The following PRPF8 variants were observed in gnomAD, a reference collection of about 807,000 sequenced individuals.
The protein encoded by PRPF8 is pre-mRNA processing factor 8, also known as pre-mRNA-processing-splicing factor 8.
A neutral mutation model predicts 285.9 loss-of-function variants in PRPF8; 64 were observed. That is an observed-to-expected ratio of 0.22 (90% CI 0.18 to 0.28). The LOEUF (loss-of-function observed/expected upper bound fraction) is 0.28, where lower values mean the gene tolerates loss of function less well. Among genes scored for constraint, PRPF8 ranks in the 10% least tolerant of loss-of-function variants. The pLI, the probability that PRPF8 is intolerant of heterozygous loss-of-function variation, is 1.00. For missense variants in PRPF8, 1,426 were observed against 3,026.7 expected (o/e 0.47, Z 12.41); for synonymous variants, 1,325 against 1,118.2 (o/e 1.18, Z -3.69).
chr17:1,668,158 C>A (rs566076903), intron 24 of PRPF8, among the ~76,000 whole-genome samples: 1 of 152,344 alleles, frequency 6.6e-6, no homozygotes, highest in South Asian at 2.1e-4. Context: ...ATGATGTGAA[C>A]CCCATCTGAC....
chr17:1,684,491 C>T lies in PRPF8; in HGVS notation c.81G>A (p.Glu27=). The change falls in exon 2 of 43, where the codon GAG becomes GAA. Residue 27 remains glutamate (E), a synonymous_variant. Coordinates refer to ENST00000304992, the MANE Select transcript of PRPF8 (RefSeq NM_006445.4). The part of the protein sequence containing the change: ...PLAPLPDYMS[E]EKLQEKARKW... ...CCTCACCTTTCTCCTGCAGCTTCTCCTCCGACATGTAGTCCGGTAGCGGGG... is the reference window on the plus strand; with the variant it reads ...CCTCACCTTTCTCCTGCAGCTTCTCTTCCGACATGTAGTCCGGTAGCGGGG... 1 of 1,612,728 alleles carries T rather than the reference C, an allele frequency of 6.2e-7. No homozygotes were observed. Among genetic ancestry groups the T allele is most frequent in the Non-Finnish European group, 8.5e-7 (1 of 1,179,780 alleles).
rs753665840 is a variant in PRPF8, at chr17:1,659,317, C to G, written c.5138+40G>C. 1 of 1,611,076 alleles carries G rather than the reference C, an allele frequency of 6.2e-7. No individual in the cohort carries two copies. Among genetic ancestry groups the G allele is most frequent in the South Asian group, 1.1e-5 (1 of 90,994 alleles). ...CTGGGATTACAGGTGTGAGCCACTG[C>G]GCCTGGCCTGAAAATACATGGTCCT... On this transcript the variant is annotated intron_variant, in intron 32 of 42. Transcript: ENST00000304992. This position sits in a 1 kb window ranked among gnomAD's most constrained non-coding sequence, Gnocchi z 5.1.
chr17:1,677,390 A>G (rs1912661235), intron 14 of PRPF8, 175 bp downstream of exon 14: 2 of 1,042,704 alleles, frequency 1.9e-6, no homozygotes, highest in Admixed American at 4.1e-5. Context: ...CTGCCTCTCA[A>G]GGCCCCAGAA....
intron 36 of PRPF8, among the ~76,000 whole-genome samples, chr17:1,656,061 C>A (rs1013624583): frequency 6.6e-6 from 1 of 151,794 alleles, no homozygotes. Context: ...GCTGGGACTA[C>A]AGGTGCATCC....
At chr17:1,664,814 A>C (rs1466932897) in intron 24 of PRPF8, among the ~76,000 whole-genome samples, 2 of 152,188 alleles carry the variant, frequency 1.3e-5, no homozygotes, top group East Asian at 3.8e-4. Flanking sequence ...CATAAGGGAA[A>C]TTAGAATATA....
chr17:1,678,602 G>A lies in PRPF8; in HGVS notation c.1770C>T (p.Gly590=). The stretch of plus-strand genomic sequence containing the variant: ...TCAGCTTGTATTTGTATCGATACAT[G>A]CCCGTCAACTGCCCAACATGGGCAA... ...YIFAHVGQLT[G]MYRYKYKLMR... Residue 590 remains glycine, a synonymous_variant, in exon 13 of 43, where the codon GGC becomes GGT. Transcript: ENST00000304992. 1 of 1,614,214 alleles carries A rather than the reference G, an allele frequency of 6.2e-7. No individual in the cohort carries two copies.
intron 34 of PRPF8, among the ~76,000 whole-genome samples, chr17:1,657,926 G>A (rs1349809144): frequency 1.4e-5 from 2 of 146,692 alleles, no homozygotes; most frequent in Admixed American, 6.9e-5. Flanking sequence ...AACCGAGATT[G>A]AGCCACTGTG....
chr17:1,670,852 T>C (rs1912273739), intron 24 of PRPF8, among the ~76,000 whole-genome samples: 1 of 151,976 alleles, frequency 6.6e-6, no homozygotes, highest in African/African-American at 2.4e-5. Flanking sequence ...TCCTATCCTT[T>C]CAGGTCCATC....
At chr17:1,684,449 G>A (rs1206297259) in intron 2 of PRPF8, 23 bp downstream of exon 2, 1 of 1,611,878 alleles carries the variant, frequency 6.2e-7, no homozygotes, top group Non-Finnish European at 8.5e-7. Flanking sequence ...CGGCCCGCGC[G>A]CCGCTCCACA....
In PRPF8 at chr17:1,651,142, G is replaced by A. The variant is rs1018467066; in HGVS notation, c.6819C>T (p.Val2273=). 8.1e-6 allele frequency: 13 copies of A among 1,614,128 alleles called. No individual in the cohort carries two copies. Among genetic ancestry groups the A allele is most frequent in the Non-Finnish European group, 1.0e-5 (12 of 1,180,022 alleles). Residue 2273 remains valine, a synonymous_variant, in exon 42 of 43, where the codon GTC becomes GTT. Transcript: ENST00000304992. This position sits in a 1 kb window ranked among gnomAD's most constrained non-coding sequence, Gnocchi z 5.1. ...TGTAGTTCCACGAGGACTGGGCAGG[G>A]ACCATGAAGAAGCCAAGGAAACGGT... ...LSDRFLGFFM[V]PAQSSWNYNF... is the part of the protein sequence containing the mutation.
In PRPF8 at chr17:1,673,070, C is replaced by T. The variant is rs762203625; in HGVS notation, c.3774+11G>A. The T allele has an allele frequency of 1.1e-4, 173 of 1,612,250 alleles. No homozygotes were observed. Among genetic ancestry groups the T allele is most frequent in the Middle Eastern group, 1.6e-4 (1 of 6,072 alleles). On this transcript the variant is annotated intron_variant, in intron 24 of 42. Coordinates refer to ENST00000304992, the MANE Select transcript of PRPF8 (RefSeq NM_006445.4). The surrounding 1 kb of genome is among the most constrained non-coding windows in gnomAD (Gnocchi z 5.5). Reference sequence around the variant, plus strand: ...AGGACAAGAGGGAAGCTGGGCATGACGGCCCTGTACCTTGGTGAAGGTGGT... The same window carrying T: ...AGGACAAGAGGGAAGCTGGGCATGATGGCCCTGTACCTTGGTGAAGGTGGT...
chr17:1,684,188 G>C (rs1316930229), intron 2 of PRPF8, among the ~76,000 whole-genome samples: 1 of 151,936 alleles, frequency 6.6e-6, no homozygotes, highest in Admixed American at 6.6e-5. Flanking sequence ...CGCCCGGCCT[G>C]ACATTTTTAT....
At chr17:1,677,255 T>G in intron 14 of PRPF8, 83 bp from the exon 15 acceptor site, 1 of 1,329,606 alleles carries the variant, frequency 7.5e-7, no homozygotes, top group South Asian at 1.2e-5. Context: ...TCCTCACTCA[T>G]TATGGTTATT....
At chr17:1,684,344 A>AC (rs1913110092) in intron 2 of PRPF8, 128 bp downstream of exon 2, 3 of 952,380 alleles carry the variant, frequency 3.1e-6, no homozygotes, top group Non-Finnish European at 5.0e-6. Context: ...TTGATGAAAA[A>AC]TTAACTGGAA....
In PRPF8 at chr17:1,673,631, T is replaced by C. The variant is rs1391487489; in HGVS notation, c.3447-64A>G. ...AAGGAACTTCCCTTCAAAGGCCAAC[T>C]GATGACATCCTGACACAGCCACGCC... On this transcript the variant is annotated intron_variant, in intron 22 of 42. Transcript: ENST00000304992. The surrounding 1 kb of genome is among the most constrained non-coding windows in gnomAD (Gnocchi z 5.5). 1.2e-6 allele frequency: 2 copies of C among 1,611,894 alleles called. No individual in the cohort carries two copies. Among genetic ancestry groups the C allele is most frequent in the Non-Finnish European group, 1.7e-6 (2 of 1,179,206 alleles).
intron 28 of PRPF8, 82 bp downstream of exon 28, chr17:1,660,911 A>C: frequency 1.2e-6 from 2 of 1,612,484 alleles, no homozygotes; most frequent in East Asian, 2.2e-5. Context: ...TGTCTGGGAA[A>C]CACCACAGGA....
Position 1,679,948 on chromosome 17 carries a change from A to C in PRPF8, c.1099-149T>G, listed in dbSNP as rs982961154. On this transcript the variant is annotated intron_variant, in intron 8 of 42. Transcript: ENST00000304992. This position sits in a 1 kb window ranked among gnomAD's most constrained non-coding sequence, Gnocchi z 4.7. ...AAAGCAGCCCTGAAGTGCCAGCACA[A>C]AGGAAACCAAGACAGCAAAGAACAA... 14 of 895,920 alleles carry C rather than the reference A, an allele frequency of 1.6e-5. No individual in the cohort carries two copies. Among genetic ancestry groups the C allele is most frequent in the Admixed American group, 1.4e-4 (7 of 51,708 alleles). 55.5% of individuals were successfully genotyped at this position (895,920 alleles called of 1,614,324 possible).
Position 1,678,667 on chromosome 17 carries a change from C to T in PRPF8, c.1720-15G>A, listed in dbSNP as rs1912741962. ...CCATCTGCCAGCTGCAATACAATTG[C>T]CCCATCAGACCTGGAGCTTAAACCA... On this transcript the variant is annotated splice_polypyrimidine_tract_variant and intron_variant, in intron 12 of 42. Transcript: ENST00000304992. 1.9e-6 allele frequency: 3 copies of T among 1,614,154 alleles called. No individual in the cohort carries two copies. Among genetic ancestry groups the T allele is most frequent in the Non-Finnish European group, 2.5e-6 (3 of 1,180,028 alleles).
At chr17:1,680,891 C>T (rs752580311) in intron 7 of PRPF8, 38 bp downstream of exon 7, 25 of 1,614,136 alleles carry the variant, frequency 1.5e-5, no homozygotes, top group Non-Finnish European at 2.0e-5. Flanking sequence ...TAAACAGCAG[C>T]CTTCTCCTTT....
Sources: gnomAD v4.1 joint callset for allele counts (sites outside exome capture counted in the v4.1 genomes callset) on GRCh38, gnomAD v4.1.1 for gene constraint, Gnocchi (gnomAD v3.1) non-coding constraint, MANE v1.5 for transcripts, NCBI Gene and HGNC (gene_info 2026-07-23, HGNC 2026-07-21) for gene names.